Variants in RPP40 observed in about 807,000 individuals in gnomAD.
RPP40 encodes ribonuclease P protein subunit p40.
Under a neutral mutation model 42.5 loss-of-function variants are expected in RPP40, and 30 were observed. The ratio of observed to expected loss-of-function variants is 0.71; its 90% confidence interval spans 0.53 to 0.96. The LOEUF (loss-of-function observed/expected upper bound fraction) is 0.96, where lower values mean the gene tolerates loss of function less well. Among genes scored for constraint, RPP40 ranks in the 40% least tolerant of loss-of-function variants. The pLI is 0.00. For synonymous variants in RPP40, 173 were observed against 164.0 expected (o/e 1.05, Z -0.42); for missense variants, 426 against 433.5 (o/e 0.98, Z 0.15).
Position 5,003,889 on chromosome 6 carries a change from A to G in RPP40, c.114T>C (p.Tyr38=), listed in dbSNP as rs367910181. Residue 38 remains tyrosine (Y), a synonymous_variant, in exon 1 of 8, where the codon TAT becomes TAC. Transcript: ENST00000380051. ...RHRHLVQTHY[Y]NYRVSFLIPE... Reference sequence around the variant, plus strand: ...GGACAGCCGGACTCACCCTGTAGTTATAGTAGTGCGTCTGCACAAGATGCC... The same window carrying G: ...GGACAGCCGGACTCACCCTGTAGTTGTAGTAGTGCGTCTGCACAAGATGCC... The G allele has an allele frequency of 3.1e-6, 5 of 1,613,184 alleles. No homozygotes were observed. The highest frequency in any genetic ancestry group is 4.2e-6 in the Non-Finnish European group (5 of 1,179,524).
Position 4,996,378 on chromosome 6 carries a change from T to A in RPP40, c.602A>T (p.Gln201Leu). The A allele has an allele frequency of 6.2e-7, 1 of 1,613,928 alleles. No individual in the cohort carries two copies. The highest frequency in any genetic ancestry group is 8.5e-7 in the Non-Finnish European group (1 of 1,180,044). Reference protein sequence around the residue: ...STMMSYFSKYQIQEHQPKVAL... With the variant: ...STMMSYFSKYLIQEHQPKVAL... Reference sequence around the variant, plus strand: ...TACTTTTGGCTGATGCTCCTGAATTTGGTACTTGGAAAAATATGACATCAT... The same window carrying A: ...TACTTTTGGCTGATGCTCCTGAATTAGGTACTTGGAAAAATATGACATCAT... Residue 201 changes from glutamine to leucine, a missense_variant, in exon 6 of 8, where the codon CAA becomes CTA. Transcript: ENST00000380051.
At chr6:5,000,967 A>C in intron 2 of RPP40, 1 of 447,514 alleles carries the variant, frequency 2.2e-6, no homozygotes, top group Non-Finnish European at 4.4e-6. Context: ...AGCATGCAGA[A>C]GACCAAGCAT....
downstream of RPP40, among the ~76,000 whole-genome samples, chr6:4,990,494 C>CT (rs1308944078): frequency 2.0e-5 from 3 of 151,988 alleles, no homozygotes; most frequent in African/African-American, 7.2e-5. Context: ...CCTTCTCTCC[C>CT]TTTCTTTGAG....
At chr6:4,996,644 A>G (rs1283749976) in intron 5 of RPP40, among the ~76,000 whole-genome samples, 1 of 152,188 alleles carries the variant, frequency 6.6e-6, no homozygotes, top group Non-Finnish European at 1.5e-5. Context: ...GAAAAGCACA[A>G]CAGTTTCTGA....
At position 4,996,395 on chromosome 6, in the gene RPP40, T is replaced by A. The variant is rs1337634636; in HGVS notation, c.585A>T (p.Ser195=). The change falls in exon 6 of 8, where the codon TCA becomes TCT. Residue 195 remains serine (S), a synonymous_variant. Transcript: ENST00000380051. ...KTGSEESTMM[S]YFSKYQIQEH... is the part of the protein sequence containing the mutation. The stretch of plus-strand genomic sequence containing the variant: ...CCTGAATTTGGTACTTGGAAAAATA[T>A]GACATCATTGTCGATTCTTCTGAAC... 1 of 1,613,532 alleles carries A rather than the reference T, an allele frequency of 6.2e-7. No homozygotes were observed. The highest frequency in any genetic ancestry group is 8.5e-7 in the Non-Finnish European group (1 of 1,180,040).
rs1759674931 is a variant in RPP40 at position 5,003,941 on chromosome 6, T to C, written c.62A>G (p.Asn21Ser). ...GTGGCGCGACTTGTGGTTGCCGAAGTTGGATTTCTCGCAAACCAGTAAGTG... is the reference window on the plus strand; with the variant it reads ...GTGGCGCGACTTGTGGTTGCCGAAGCTGGATTTCTCGCAAACCAGTAAGTG... ...PRHLLVCEKS[N>S]FGNHKSRHRH... The change falls in exon 1 of 8, where the codon AAC becomes AGC. Residue 21 changes from asparagine to serine, a missense_variant. Transcript: ENST00000380051. The C allele has an allele frequency of 1.2e-6, 2 of 1,613,688 alleles. No homozygotes were observed. The highest frequency in any genetic ancestry group is 1.7e-6 in the Non-Finnish European group (2 of 1,179,752).
chr6:4,995,397 T>A (rs1759342996), intron 7 of RPP40, 121 bp from the exon 8 acceptor site: 2 of 735,402 alleles, frequency 2.7e-6, no homozygotes, highest in Admixed American at 2.9e-5. Context: ...GATCTTAGCT[T>A]TAATTTTTGA....
chr6:5,004,032 T>C lies in RPP40; in HGVS notation c.-30A>G. ...TCCTGGGTTCCTGGTCCTCCCGGCC[T>C]CCGCTGGCGGGGCACGCCCCGCCCC... On this transcript the variant is annotated 5_prime_UTR_variant, in exon 1 of 8. Coordinates refer to ENST00000380051, the MANE Select transcript of RPP40 (RefSeq NM_006638.4). The C allele has an allele frequency of 6.4e-7, 1 of 1,568,628 alleles. No homozygotes were observed. Among genetic ancestry groups the C allele is most frequent in the East Asian group, 2.3e-5 (1 of 43,708 alleles).
chr6:4,997,349 G>A (rs548094350), intron 5 of RPP40, among the ~76,000 whole-genome samples: 51 of 152,334 alleles, frequency 3.3e-4, no homozygotes, highest in African/African-American at 1.2e-3. Flanking sequence ...AAACGTCAGA[G>A]GAACAGTGAA....
the RPP40 span, among the ~76,000 whole-genome samples, chr6:4,989,200 GGTTT>G: frequency 0.15 from 22,356 of 151,884 alleles, 1,766 homozygotes; most frequent in Non-Finnish European, 0.16. Flanking sequence ...TTTTCCATTT[GGTTT>G]GTTTGTTTTC....
Position 4,994,905 on chromosome 6 carries a change from C to G in RPP40, c.*173G>C. On this transcript the variant is annotated 3_prime_UTR_variant, in exon 8 of 8. Coordinates refer to ENST00000380051, the MANE Select transcript of RPP40 (RefSeq NM_006638.4). ...CAACTATGAGCTATTCACTGGACAG[C>G]AGGCCTTGCTGCCATCACAGATGGG... The G allele has an allele frequency of 1.6e-6, 1 of 612,744 alleles. No homozygotes were observed. Among genetic ancestry groups the G allele is most frequent in the South Asian group, 2.0e-5 (1 of 48,830 alleles). The allele number at this position is 612,744 out of a possible 1,614,324, so 38.0% of individuals were successfully genotyped here. A position where few individuals can be genotyped will look rare whatever the true frequency, so the allele number is the denominator to read the frequency against.
At chr6:4,999,721 T>C in intron 4 of RPP40, 88 bp downstream of exon 4, 5 of 771,148 alleles carry the variant, frequency 6.5e-6, no homozygotes, top group Non-Finnish European at 1.1e-5. Flanking sequence ...CACATTTTTT[T>C]GAACAAAGAG....
At chr6:4,996,542 A>G in intron 5 of RPP40, 122 bp from the exon 6 acceptor site, 1 of 810,324 alleles carries the variant, frequency 1.2e-6, no homozygotes, top group Admixed American at 2.4e-5. Context: ...GAAGCTGTGC[A>G]GAGCTGCATT....
chr6:5,001,146 C>A, intron 2 of RPP40: 1 of 456,718 alleles, frequency 2.2e-6, no homozygotes, highest in South Asian at 1.5e-5. Flanking sequence ...TAAACATACA[C>A]CTCTCAGAGA....
In RPP40 at chr6:5,003,939, A is replaced by G; in HGVS notation, c.64T>C (p.Phe22Leu). 1 of 1,613,712 alleles carries G rather than the reference A, an allele frequency of 6.2e-7. No homozygotes were observed. Reference sequence around the variant, plus strand: ...CGGTGGCGCGACTTGTGGTTGCCGAAGTTGGATTTCTCGCAAACCAGTAAG... The same window carrying G: ...CGGTGGCGCGACTTGTGGTTGCCGAGGTTGGATTTCTCGCAAACCAGTAAG... ...RHLLVCEKSN[F>L]GNHKSRHRHL... is the part of the protein sequence containing the mutation. Residue 22 changes from phenylalanine to leucine, a missense_variant, in exon 1 of 8, where the codon TTC (phenylalanine) becomes CTC (leucine). Coordinates refer to ENST00000380051, the MANE Select transcript of RPP40 (RefSeq NM_006638.4).
At chr6:4,992,043 C>T (rs759125485), downstream of RPP40, among the ~76,000 whole-genome samples, 46 of 152,144 alleles carry the variant, frequency 3.0e-4, no homozygotes, top group East Asian at 3.9e-4. Flanking sequence ...CCTGCAGAAA[C>T]GTGAGCCAAT....
At chr6:5,002,830 G>C (rs1178246640) in intron 1 of RPP40, among the ~76,000 whole-genome samples, 1 of 152,184 alleles carries the variant, frequency 6.6e-6, no homozygotes, top group Admixed American at 6.5e-5. Context: ...AACAGGGCAG[G>C]CTTCAAATGT....
Position 4,996,440 on chromosome 6 carries a change from A to T in RPP40, c.560-20T>A. ...CTGAACCTTAAAAACACACCACACA[A>T]GGCCATTTGAATCCATCTGACCATC... On this transcript the variant is annotated intron_variant, in intron 5 of 7. Coordinates refer to ENST00000380051, the MANE Select transcript of RPP40 (RefSeq NM_006638.4). The T allele has an allele frequency of 6.2e-7, 1 of 1,610,232 alleles. No individual in the cohort carries two copies. The highest frequency in any genetic ancestry group is 2.2e-5 in the East Asian group (1 of 44,888).
chr6:5,001,271 G>T (rs1466312769), intron 2 of RPP40: 3 of 403,342 alleles, frequency 7.4e-6, no homozygotes, highest in East Asian at 1.4e-4. Flanking sequence ...GTTAAATTTG[G>T]TAAGACATTT....
Sources: gnomAD v4.1 joint callset for allele counts (sites outside exome capture counted in the v4.1 genomes callset) on GRCh38, gnomAD v4.1.1 for gene constraint, MANE v1.5 for transcripts, NCBI Gene and HGNC (gene_info 2026-07-23, HGNC 2026-07-21) for gene names.